Variants in NLN observed in about 807,000 individuals in gnomAD.
The protein encoded by NLN is neurolysin, also known as neurolysin, mitochondrial.
A neutral mutation model predicts 79.9 loss-of-function variants in NLN; 64 were observed. The ratio of observed to expected loss-of-function variants is 0.80; its 90% CI spans 0.65 to 0.99. The LOEUF (loss-of-function observed/expected upper bound fraction) is 0.99. NLN is among the 50% of genes least tolerant of loss of function. The probability of loss-of-function intolerance (pLI) is 0.00; values close to 1 mark genes in which losing one functional copy is unlikely to be tolerated. For synonymous variants in NLN, 267 were observed against 296.6 expected (o/e 0.90, Z 1.02); for missense variants, 835 against 858.7 (o/e 0.97, Z 0.34).
intron 1 of NLN, among the ~76,000 whole-genome samples, chr5:65,754,230 T>G (rs1305176217): frequency 2.6e-5 from 4 of 152,180 alleles, no homozygotes; most frequent in Non-Finnish European, 5.9e-5. Context: ...AATATTTGGT[T>G]TCCTTCCTTT....
At chr5:65,763,330 A>T (rs1759379939) in intron 3 of NLN, among the ~76,000 whole-genome samples, 1 of 152,216 alleles carries the variant, frequency 6.6e-6, no homozygotes, top group African/African-American at 2.4e-5. Flanking sequence ...TAGAAGAGTG[A>T]ACATCTGTAA....
intron 1 of NLN, among the ~76,000 whole-genome samples, chr5:65,745,011 A>T (rs1034156417): frequency 6.6e-6 from 1 of 152,200 alleles, no homozygotes; most frequent in African/African-American, 2.4e-5. Context: ...TTGATTACCT[A>T]TGAACAGTTC....
At chr5:65,798,252 C>G (rs976672136) in intron 9 of NLN, among the ~76,000 whole-genome samples, 4 of 152,134 alleles carry the variant, frequency 2.6e-5, no homozygotes, top group Non-Finnish European at 4.4e-5. Flanking sequence ...GTTATTGTCC[C>G]CATTTTCCAA....
chr5:65,768,096 C>G (rs1449989663), intron 3 of NLN, among the ~76,000 whole-genome samples: 1 of 152,194 alleles, frequency 6.6e-6, no homozygotes, highest in Non-Finnish European at 1.5e-5. Context: ...CCAAACTGTT[C>G]CAACCTCTGC....
chr5:65,761,227 T>G (rs1759330618), intron 2 of NLN, among the ~76,000 whole-genome samples: 1 of 152,142 alleles, frequency 6.6e-6, no homozygotes, highest in Non-Finnish European at 1.5e-5. Context: ...GTTGCTTATA[T>G]AAGTTTATGA....
chr5:65,812,927 C>T (rs1341149438), intron 12 of NLN, among the ~76,000 whole-genome samples: 1 of 152,184 alleles, frequency 6.6e-6, no homozygotes, highest in South Asian at 2.1e-4. Context: ...GAATTGACTG[C>T]CAGGTAGCTG....
In NLN at chr5:65,804,731, G is replaced by A. The variant is rs190473544; in HGVS notation, c.1528-4784G>A. 2.3e-3 allele frequency among the ~76,000 whole-genome samples: 351 copies of A among 152,110 alleles called. 1 individual carries two copies. Among genetic ancestry groups the A allele is most frequent in the Non-Finnish European group, 4.1e-3 (281 of 67,984 alleles). Reference sequence around the variant, plus strand: ...TATTTTTAGTAGACATGGGTTCACCGTGTGGGCCAAGCTGATCTTGATCTC... The same window carrying A: ...TATTTTTAGTAGACATGGGTTCACCATGTGGGCCAAGCTGATCTTGATCTC... On this transcript the variant is annotated intron_variant, in intron 9 of 12. Coordinates refer to ENST00000380985, the MANE Select transcript of NLN (RefSeq NM_020726.5).
chr5:65,731,316 A>G (rs1758601800), intron 1 of NLN, among the ~76,000 whole-genome samples: 1 of 152,216 alleles, frequency 6.6e-6, no homozygotes, highest in Non-Finnish European at 1.5e-5. Flanking sequence ...GAAGTGGGGA[A>G]ACAGACTCTA....
At chr5:65,806,514 CA>C (rs1760415982) in intron 9 of NLN, among the ~76,000 whole-genome samples, 1 of 152,196 alleles carries the variant, frequency 6.6e-6, no homozygotes, top group Non-Finnish European at 1.5e-5. Context: ...ATGGTAGAAA[CA>C]GCAGGACAAC....
rs570533755 is a variant in NLN, at chr5:65,745,888, C to CT, written c.42-12678dup. ...CCTCCCGGGTTTCTGATTTGGACAACTGAGTACATACTGGTGATCGTCCTT... is the reference window on the plus strand; with the variant it reads ...CCTCCCGGGTTTCTGATTTGGACAACTTGAGTACATACTGGTGATCGTCCTT... On this transcript the variant is annotated intron_variant, in intron 1 of 12. Coordinates refer to ENST00000380985, the MANE Select transcript of NLN (RefSeq NM_020726.5). Among the ~76,000 whole-genome samples the CT allele has an allele frequency of 3.6e-4, 55 of 152,304 alleles. No homozygotes were observed. In the Middle Eastern group the frequency reaches 0.01, roughly 28 times the overall value.
intron 1 of NLN, among the ~76,000 whole-genome samples, chr5:65,754,213 G>A (rs942523739): frequency 6.6e-6 from 1 of 152,164 alleles, no homozygotes; most frequent in African/African-American, 2.4e-5. Context: ...GCTCTATGGT[G>A]TCTTTAAATA....
intron 1 of NLN, among the ~76,000 whole-genome samples, chr5:65,749,545 T>C (rs1198939318): frequency 6.6e-6 from 1 of 151,712 alleles, no homozygotes; most frequent in African/African-American, 2.4e-5. Flanking sequence ...GGGTAGGGGG[T>C]TGAGTGTCCA....
At position 65,829,062 on chromosome 5, in the gene NLN, C is replaced by G. The variant is rs1204623983; in HGVS notation, c.*6147C>G. On this transcript the variant is annotated 3_prime_UTR_variant, in exon 13 of 13. Transcript: ENST00000380985. ...AATGAGTAAACGTTCGTTTTCCTCC[C>G]TACAGAATTTACAGTTACTCTCTGT... 1 of 152,096 alleles carries G rather than the reference C, an allele frequency of 6.6e-6. No homozygotes were observed. Among genetic ancestry groups the G allele is most frequent in the Admixed American group, 6.5e-5 (1 of 15,272 alleles). 9.4% of individuals were successfully genotyped at this position (152,096 alleles called of 1,614,324 possible).
At chr5:65,722,486 C>A in intron 1 of NLN, 72 bp downstream of exon 1, 1 of 1,366,440 alleles carries the variant, frequency 7.3e-7, no homozygotes, top group East Asian at 2.7e-5. Context: ...GCCTGGAGCC[C>A]GGACCCACCC....
intron 1 of NLN, among the ~76,000 whole-genome samples, chr5:65,740,410 G>A (rs1192923497): frequency 6.6e-6 from 1 of 152,104 alleles, no homozygotes; most frequent in Non-Finnish European, 1.5e-5. Flanking sequence ...TGAAGGCAAA[G>A]CCCTCATGAC....
At chr5:65,762,817 G>T in intron 2 of NLN, 143 bp from the exon 3 acceptor site, 1 of 690,128 alleles carries the variant, frequency 1.4e-6, no homozygotes, top group Non-Finnish European at 2.3e-6. Context: ...GCTTTTTCTT[G>T]GTAGCCTTAG....
At chr5:65,770,420 T>C (rs1414962716) in intron 3 of NLN, among the ~76,000 whole-genome samples, 1 of 152,196 alleles carries the variant, frequency 6.6e-6, no homozygotes, top group African/African-American at 2.4e-5. Context: ...TATGAAAAGA[T>C]GTTCAATTTT....
intron 8 of NLN, among the ~76,000 whole-genome samples, chr5:65,789,792 A>G (rs1760015851): frequency 6.6e-6 from 1 of 152,210 alleles, no homozygotes; most frequent in South Asian, 2.1e-4. Flanking sequence ...TATTTATTAG[A>G]TAATCTGTCT....
At chr5:65,740,329 C>T (rs1483345002) in intron 1 of NLN, among the ~76,000 whole-genome samples, 1 of 152,104 alleles carries the variant, frequency 6.6e-6, no homozygotes, top group African/African-American at 2.4e-5. Context: ...ATCTACTCTT[C>T]TGATAACTAA....
Sources: allele counts gnomAD v4.1 joint callset (sites outside exome capture counted in the v4.1 genomes callset), GRCh38; gene constraint gnomAD v4.1.1; transcripts MANE v1.5; gene names NCBI Gene and HGNC (gene_info 2026-07-23, HGNC 2026-07-21).